Variants in NRXN3 observed in about 807,000 individuals in gnomAD.
NRXN3 encodes neurexin 3.
NRXN3 carries 32 observed loss-of-function variants against 137.6 expected under a neutral mutation model. That is an observed-to-expected ratio of 0.23 (90% CI 0.18 to 0.31). The LOEUF (loss-of-function observed/expected upper bound fraction) is 0.31, where lower values mean the gene tolerates loss of function less well. Among genes scored for constraint, NRXN3 ranks in the 10% least tolerant of loss-of-function variants. The pLI is 1.00. For missense variants in NRXN3, 1,574 were observed against 2,062.5 expected (o/e 0.76, Z 4.59); for synonymous variants, 798 against 784.5 (o/e 1.02, Z -0.29).
intron 16 of NRXN3, among the ~76,000 whole-genome samples, chr14:79,486,913 T>TTCTCTCTCTCTCTCTC (rs58861355): frequency 7.8e-5 from 10 of 128,548 alleles, no homozygotes; most frequent in East Asian, 5.7e-4. Flanking sequence ...TCTTTACAGG[T>TTCTCTCTCTCTCTCTC]TCTCTCTCTC....
At chr14:79,172,043 GA>G (rs975602596) in intron 15 of NRXN3, among the ~76,000 whole-genome samples, 50 of 152,202 alleles carry the variant, frequency 3.3e-4, no homozygotes, top group African/African-American at 1.1e-3. Context: ...GAGCACTAGA[GA>G]AAACCTCTTT....
intron 2 of NRXN3, among the ~76,000 whole-genome samples, chr14:78,278,051 TG>T (rs2073863540): frequency 6.6e-6 from 1 of 152,228 alleles, no homozygotes; most frequent in African/African-American, 2.4e-5. Context: ...TGATGAAGCG[TG>T]GTCACTGGGT....
At chr14:78,448,987 A>G (rs2094488657) in intron 4 of NRXN3, among the ~76,000 whole-genome samples, 1 of 151,934 alleles carries the variant, frequency 6.6e-6, no homozygotes, top group African/African-American at 2.4e-5. Context: ...CTGCAGTGGA[A>G]TCTCCCCACC....
At chr14:79,116,012 A>C (rs2152903613) in intron 15 of NRXN3, among the ~76,000 whole-genome samples, 1 of 152,314 alleles carries the variant, frequency 6.6e-6, no homozygotes, top group East Asian at 1.9e-4. Context: ...GATACACGCA[A>C]GGTCACCTAG....
chr14:79,532,020 A>G (rs1213812277), intron 16 of NRXN3, among the ~76,000 whole-genome samples: 1 of 152,148 alleles, frequency 6.6e-6, no homozygotes, highest in Non-Finnish European at 1.5e-5. Context: ...ATGTTCCGTG[A>G]TCAGGGGTGA....
rs552228546 is a variant in NRXN3 at position 78,495,468 on chromosome 14, T to A, written c.758-149652T>A. 1.1e-4 allele frequency among the ~76,000 whole-genome samples: 17 copies of A among 152,266 alleles called. 1 individual carries two copies. In the South Asian group the frequency reaches 2.5e-3, roughly 22 times the overall value. On this transcript the variant is annotated intron_variant, in intron 4 of 20. Coordinates refer to ENST00000335750, the MANE Select transcript of NRXN3 (RefSeq NM_001330195.2). Reference sequence around the variant, plus strand: ...AAAAGGGGAATTGAGGTAGCATTGGTTGAACACACACTATGTGCCAGGCTT... The same window carrying A: ...AAAAGGGGAATTGAGGTAGCATTGGATGAACACACACTATGTGCCAGGCTT...
chr14:78,701,739 T>C (rs1242754321), intron 6 of NRXN3, among the ~76,000 whole-genome samples: 1 of 152,236 alleles, frequency 6.6e-6, no homozygotes, highest in Non-Finnish European at 1.5e-5. Context: ...GTCAACATTG[T>C]ACTATTGATT....
intron 20 of NRXN3, chr14:79,823,972 CA>C (rs1243626075): frequency 2.4e-6 from 1 of 424,234 alleles, no homozygotes; most frequent in Non-Finnish European, 5.0e-6. Context: ...GTAAATGACC[CA>C]TTACCAGAAA....
intron 15 of NRXN3, among the ~76,000 whole-genome samples, chr14:79,132,184 C>T (rs1351755343): frequency 1.3e-5 from 2 of 152,246 alleles, no homozygotes; most frequent in African/African-American, 4.8e-5. Flanking sequence ...TGTTCCTATT[C>T]CGCCATCTTG....
intron 4 of NRXN3, among the ~76,000 whole-genome samples, chr14:78,341,407 T>A (rs2082133925): frequency 6.6e-6 from 1 of 152,202 alleles, no homozygotes; most frequent in African/African-American, 2.4e-5. Flanking sequence ...GCTAGGTCTG[T>A]AAAGGCCCAG....
chr14:78,403,577 A>G (rs1210347840), intron 4 of NRXN3, among the ~76,000 whole-genome samples: 1 of 152,132 alleles, frequency 6.6e-6, no homozygotes, highest in East Asian at 1.9e-4. Context: ...TATGCACAAA[A>G]CACCCTGTCC....
At chr14:79,019,053 A>G (rs1388780973) in intron 15 of NRXN3, among the ~76,000 whole-genome samples, 6 of 152,186 alleles carry the variant, frequency 3.9e-5, no homozygotes, top group Admixed American at 3.9e-4. Context: ...TCTGATATCT[A>G]GCATGACTCA....
intron 15 of NRXN3, among the ~76,000 whole-genome samples, chr14:79,088,549 C>T (rs1203204275): frequency 3.6e-5 from 5 of 139,826 alleles, no homozygotes; most frequent in African/African-American, 1.7e-4. Context: ...TTAAGAAAAA[C>T]AAATTTCTTG....
At chr14:78,265,269 G>T (rs2071506890) in intron 2 of NRXN3, among the ~76,000 whole-genome samples, 2 of 151,978 alleles carry the variant, frequency 1.3e-5, no homozygotes, top group Non-Finnish European at 2.9e-5. Flanking sequence ...AGAGAGGAAT[G>T]AACTAGGGGA....
At chr14:79,427,371 A>G (rs1387689983) in intron 15 of NRXN3, among the ~76,000 whole-genome samples, 1 of 152,106 alleles carries the variant, frequency 6.6e-6, no homozygotes, top group Non-Finnish European at 1.5e-5. Context: ...TATGTGGTAA[A>G]TGTTGGTGAG....
At chr14:79,681,387 C>G (rs1487385380) in intron 17 of NRXN3, among the ~76,000 whole-genome samples, 3 of 152,156 alleles carry the variant, frequency 2.0e-5, no homozygotes, top group Non-Finnish European at 4.4e-5. Flanking sequence ...TTCCGTGGCT[C>G]ATGTGAGTGT....
chr14:79,292,563 C>A (rs2083381470), intron 15 of NRXN3, among the ~76,000 whole-genome samples: 2 of 152,218 alleles, frequency 1.3e-5, no homozygotes, highest in South Asian at 4.1e-4. Context: ...TGCCAAAAGG[C>A]AAAATTCCAA....
intron 4 of NRXN3, among the ~76,000 whole-genome samples, chr14:78,515,288 A>G (rs1304937505): frequency 1.3e-5 from 2 of 152,154 alleles, no homozygotes; most frequent in Non-Finnish European, 2.9e-5. Flanking sequence ...AGACTGACCT[A>G]TTACAAGAGT....
intron 15 of NRXN3, among the ~76,000 whole-genome samples, chr14:79,130,942 C>T (rs1398576525): frequency 6.6e-6 from 1 of 152,186 alleles, no homozygotes; most frequent in Non-Finnish European, 1.5e-5. Context: ...TCTTCCATCG[C>T]TGATACCCTT....
Sources: gnomAD v4.1 joint callset for allele counts (sites outside exome capture counted in the v4.1 genomes callset) on GRCh38, gnomAD v4.1.1 for gene constraint, MANE v1.5 for transcripts, NCBI Gene and HGNC (gene_info 2026-07-23, HGNC 2026-07-21) for gene names.